Variants in NXPE2 observed in about 807,000 individuals in gnomAD.
The protein encoded by NXPE2 is neurexophilin and PC-esterase domain family member 2.
In NXPE2, 34 loss-of-function variants were observed where a neutral mutation model predicts 34.4. The observed-to-expected ratio is 0.99, with a 90% CI of 0.75 to 1.31. The LOEUF is 1.31. Ranked by LOEUF, NXPE2 falls within the 40% of genes most tolerant of loss-of-function variation. NXPE2 has a pLI of 0.00. For synonymous variants in NXPE2, 235 were observed against 231.3 expected (o/e 1.02, Z -0.15); for missense variants, 649 against 672.5 (o/e 0.97, Z 0.39).
the NXPE2 span, among the ~76,000 whole-genome samples, chr11:114,533,675 G>GGGT: frequency 6.6e-6 from 1 of 152,234 alleles, no homozygotes; most frequent in Non-Finnish European, 1.5e-5. Context: ...CGCCCACGGA[G>GGGT]CCTTGCTCAT....
the NXPE2 span, among the ~76,000 whole-genome samples, chr11:114,484,376 G>T: frequency 6.6e-6 from 1 of 152,086 alleles, no homozygotes; most frequent in African/African-American, 2.4e-5. Context: ...AATTGAGGAC[G>T]TCCTTGATGA....
the NXPE2 span, among the ~76,000 whole-genome samples, chr11:114,755,333 A>G: frequency 1.3e-5 from 2 of 152,178 alleles, no homozygotes; most frequent in African/African-American, 4.8e-5. Context: ...TTCCTCTGTG[A>G]ACTACCAGAC....
At chr11:114,794,880 C>T in the NXPE2 span, among the ~76,000 whole-genome samples, 1 of 133,622 alleles carries the variant, frequency 7.5e-6, no homozygotes, top group Non-Finnish European at 1.6e-5. Context: ...TGAGGAGTAA[C>T]TCATTCTCAG....
chr11:114,809,603 G>A, the NXPE2 span, among the ~76,000 whole-genome samples: 1 of 105,002 alleles, frequency 9.5e-6, no homozygotes, highest in African/African-American at 3.4e-5. Flanking sequence ...GCTTCAAAGA[G>A]AATAAAATAC....
chr11:114,551,026 G>T, the NXPE2 span: 1 of 738,768 alleles, frequency 1.4e-6, no homozygotes, highest in South Asian at 1.6e-5. Flanking sequence ...AGGACTAATG[G>T]AGTGGGACTG....
At chr11:114,745,820 T>C in the NXPE2 span, among the ~76,000 whole-genome samples, 2 of 152,196 alleles carry the variant, frequency 1.3e-5, no homozygotes, top group Admixed American at 6.5e-5. Context: ...TTTTATTCTT[T>C]TACCAATTTT....
At chr11:114,657,182 C>T in the NXPE2 span, among the ~76,000 whole-genome samples, 2 of 152,166 alleles carry the variant, frequency 1.3e-5, no homozygotes, top group South Asian at 2.1e-4. Context: ...ATGCTAGGAC[C>T]TCCACATGGA....
the NXPE2 span, among the ~76,000 whole-genome samples, chr11:114,615,401 C>G: frequency 2.6e-5 from 4 of 151,528 alleles, no homozygotes; most frequent in Non-Finnish European, 5.9e-5. Context: ...GCCTCGGTAA[C>G]CACAGTTACC....
At chr11:114,752,406 G>A in the NXPE2 span, among the ~76,000 whole-genome samples, 8 of 152,302 alleles carry the variant, frequency 5.3e-5, no homozygotes, top group South Asian at 1.7e-3. Flanking sequence ...AAATTGAAAA[G>A]CCACCTAAAT....
the NXPE2 span, among the ~76,000 whole-genome samples, chr11:114,734,820 A>G: frequency 2.0e-5 from 3 of 152,154 alleles, no homozygotes; most frequent in Non-Finnish European, 4.4e-5. Flanking sequence ...ATTAATAACC[A>G]TTGCACGGCA....
intron 2 of NXPE2, among the ~76,000 whole-genome samples, chr11:114,695,669 T>C (rs1379301428): frequency 6.6e-6 from 1 of 151,914 alleles, no homozygotes; most frequent in African/African-American, 2.4e-5. Flanking sequence ...AACACATCAG[T>C]GAAACAACAG....
the NXPE2 span, among the ~76,000 whole-genome samples, chr11:114,788,461 G>A: frequency 2.6e-5 from 4 of 152,120 alleles, no homozygotes; most frequent in African/African-American, 7.2e-5. Flanking sequence ...CTGGGGAGAC[G>A]GCCCCCAGAG....
At chr11:114,496,704 G>A in the NXPE2 span, among the ~76,000 whole-genome samples, 3 of 152,038 alleles carry the variant, frequency 2.0e-5, no homozygotes, top group African/African-American at 4.8e-5. Context: ...TCTAATATGC[G>A]TGTCTTTATA....
At chr11:114,698,857 A>C in intron 3 of NXPE2, 79 bp downstream of exon 3, 1 of 1,312,650 alleles carries the variant, frequency 7.6e-7, no homozygotes, top group Non-Finnish European at 1.0e-6. Context: ...GCCTAATCAA[A>C]CTTTTGTATC....
the NXPE2 span, among the ~76,000 whole-genome samples, chr11:114,808,758 A>G: frequency 3.9e-5 from 6 of 152,190 alleles, no homozygotes; most frequent in African/African-American, 1.4e-4. Context: ...AAATTCTACC[A>G]GAGGTACAAA....
chr11:114,798,730 C>T, the NXPE2 span, among the ~76,000 whole-genome samples: 1,584 of 152,274 alleles, frequency 0.01, 22 homozygotes, highest in African/African-American at 0.035. Context: ...GTTAATAAAC[C>T]ATATCTCTTT....
chr11:114,627,338 A>C, the NXPE2 span, among the ~76,000 whole-genome samples: 1 of 152,156 alleles, frequency 6.6e-6, no homozygotes, highest in African/African-American at 2.4e-5. Flanking sequence ...AAACTCTACA[A>C]GCCAGAAGAG....
the NXPE2 span, among the ~76,000 whole-genome samples, chr11:114,557,174 A>G: frequency 6.6e-6 from 1 of 152,128 alleles, no homozygotes; most frequent in Non-Finnish European, 1.5e-5. Flanking sequence ...GATTACAGGC[A>G]TGAGCTACCG....
downstream of NXPE2, among the ~76,000 whole-genome samples, chr11:114,708,547 G>A (rs1859535533): frequency 6.6e-6 from 1 of 151,732 alleles, no homozygotes; most frequent in African/African-American, 2.4e-5. Flanking sequence ...TACAAAGTTT[G>A]GGTCGTCAGG....
Sources: gnomAD v4.1 joint callset for allele counts (sites outside exome capture counted in the v4.1 genomes callset) on GRCh38, gnomAD v4.1.1 for gene constraint, MANE v1.5 for transcripts, NCBI Gene and HGNC (gene_info 2026-07-23, HGNC 2026-07-21) for gene names.